The following CHMP2B variants were observed in gnomAD, a reference collection of about 807,000 sequenced individuals.
CHMP2B encodes the protein charged multivesicular body protein 2B.
A neutral mutation model predicts 29.8 loss-of-function variants in CHMP2B; 22 were observed. That is an observed-to-expected ratio of 0.74 (90% CI 0.53 to 1.05). CHMP2B has a LOEUF of 1.05. Among genes scored for constraint, CHMP2B ranks in the 50% least tolerant of loss-of-function variants. The pLI, the probability that CHMP2B is intolerant of heterozygous loss-of-function variation, is 0.00. For missense variants in CHMP2B, 261 were observed against 252.2 expected, an observed-to-expected ratio of 1.03 and a Z score of -0.24; for synonymous variants, 78 against 75.8, an observed-to-expected ratio of 1.03 and a Z score of -0.15.
Position 87,253,852 on chromosome 3 carries a change from TATA to T in CHMP2B, c.*33_*35del, listed in dbSNP as rs1411215273. 6.7e-7 allele frequency: 1 copy of T among 1,501,844 alleles called. No homozygotes were observed. The highest frequency in any genetic ancestry group is 9.3e-7 in the Non-Finnish European group (1 of 1,080,046). 93.0% of individuals were successfully genotyped at this position (1,501,844 alleles called of 1,614,324 possible). A position where few individuals can be genotyped will look rare whatever the true frequency, so the allele number is the denominator to read the frequency against. ...AAGAAGTCATACTATTTTGCTTACTTATAATTATGTAGTATAAACCAAGCACAG... is the reference window on the plus strand; with the variant it reads ...AAGAAGTCATACTATTTTGCTTACTTATTATGTAGTATAAACCAAGCACAG... On this transcript the variant is annotated 3_prime_UTR_variant, in exon 6 of 6. Coordinates refer to ENST00000263780, the MANE Select transcript of CHMP2B (RefSeq NM_014043.4).
intron 2 of CHMP2B, among the ~76,000 whole-genome samples, chr3:87,241,203 A>G (rs998583525): frequency 3.5e-4 from 54 of 152,326 alleles, no homozygotes; most frequent in African/African-American, 1.3e-3. Context: ...CAATGAATGT[A>G]CTTTTATAAT....
chr3:87,247,855 A>G (rs534470609), intron 3 of CHMP2B, among the ~76,000 whole-genome samples: 1 of 152,338 alleles, frequency 6.6e-6, no homozygotes, highest in East Asian at 1.9e-4. Flanking sequence ...TGGACACCCT[A>G]AACACTCTGA....
At chr3:87,251,722 C>A (rs540073431) in intron 4 of CHMP2B, among the ~76,000 whole-genome samples, 3 of 151,948 alleles carry the variant, frequency 2.0e-5, no homozygotes, top group Admixed American at 2.0e-4. Context: ...ACAGTTAAGA[C>A]ACAAGATCGT....
chr3:87,235,090 A>G (rs1289704354), intron 1 of CHMP2B, among the ~76,000 whole-genome samples: 1 of 152,230 alleles, frequency 6.6e-6, no homozygotes, highest in African/African-American at 2.4e-5. Context: ...TTGGTATGCT[A>G]TTTGCATGAA....
rs781332370 is a variant in CHMP2B at position 87,249,871 on chromosome 3, A to G, written c.322-4A>G. 10 of 1,563,486 alleles carry G rather than the reference A, an allele frequency of 6.4e-6. No homozygotes were observed. The Admixed American group carries it at 8.4e-5, about 13-fold the overall frequency. Reference sequence around the variant, plus strand: ...TAACATGAATCTTGTAAATACATTTAAAGACAATGCAGGCAGTTAACAAGA... The same window carrying G: ...TAACATGAATCTTGTAAATACATTTGAAGACAATGCAGGCAGTTAACAAGA... On this transcript the variant is annotated splice_region_variant and splice_polypyrimidine_tract_variant and intron_variant, in intron 3 of 5. Transcript: ENST00000263780.
chr3:87,233,561 G>A (rs1020584709), intron 1 of CHMP2B, among the ~76,000 whole-genome samples: 1 of 151,938 alleles, frequency 6.6e-6, no homozygotes, highest in Non-Finnish European at 1.5e-5. Context: ...CTGAATTGAC[G>A]CTCACTCTGG....
At chr3:87,245,583 A>G (rs534066538) in intron 2 of CHMP2B, 131 bp from the exon 3 acceptor site, 1 of 751,044 alleles carries the variant, frequency 1.3e-6, no homozygotes, top group Admixed American at 2.8e-5. Context: ...ATGACTTTAT[A>G]ATAGCTTCTT....
chr3:87,232,773 G>A (rs1215254112), intron 1 of CHMP2B, among the ~76,000 whole-genome samples: 2 of 152,116 alleles, frequency 1.3e-5, no homozygotes, highest in Non-Finnish European at 2.9e-5. Context: ...GATGAAAAAT[G>A]TGCTTTGACA....
chr3:87,252,413 T>G (rs774121982), intron 4 of CHMP2B, among the ~76,000 whole-genome samples: 4 of 151,742 alleles, frequency 2.6e-5, no homozygotes, highest in Non-Finnish European at 5.9e-5. Context: ...TTATGTACCT[T>G]AAATAACAAC....
chr3:87,227,425 A>G lies in CHMP2B; in HGVS notation c.-98A>G. ...CCTCCTGCTGTCTCTCCGCTCCGCC[A>G]CCCCGAACCCGCCAAGGTCCTGTCC... On this transcript the variant is annotated 5_prime_UTR_variant, in exon 1 of 6. Transcript: ENST00000263780. 2 of 1,460,196 alleles carry G rather than the reference A, an allele frequency of 1.4e-6. No individual in the cohort carries two copies. The highest frequency in any genetic ancestry group is 1.9e-6 in the Non-Finnish European group (2 of 1,041,572). 90.5% of individuals were successfully genotyped at this position (1,460,196 alleles called of 1,614,324 possible).
At chr3:87,249,618 T>G (rs1295330824) in intron 3 of CHMP2B, among the ~76,000 whole-genome samples, 1 of 152,098 alleles carries the variant, frequency 6.6e-6, no homozygotes, top group Non-Finnish European at 1.5e-5. Context: ...GCTGATAATG[T>G]TTTTTATTAC....
At position 87,255,197 on chromosome 3, in the gene CHMP2B, C is replaced by CGGA. The variant is rs1180636903; in HGVS notation, c.*1376_*1378dup. Reference sequence around the variant, plus strand: ...TCTTAGGACTAGTATACATGTGACACGGATTGCTAGGAGGAATGAAAAACT... The same window carrying CGGA: ...TCTTAGGACTAGTATACATGTGACACGGAGGATTGCTAGGAGGAATGAAAAACT... On this transcript the variant is annotated 3_prime_UTR_variant, in exon 6 of 6. Transcript: ENST00000263780. 6.6e-6 allele frequency: 1 copy of CGGA among 152,102 alleles called. No homozygotes were observed. Among genetic ancestry groups the CGGA allele is most frequent in the African/African-American group, 2.4e-5 (1 of 41,388 alleles). 9.4% of individuals were successfully genotyped at this position (152,102 alleles called of 1,614,324 possible). A position where few individuals can be genotyped will look rare whatever the true frequency, so the allele number is the denominator to read the frequency against.
chr3:87,239,089 C>G (rs1706068375), intron 1 of CHMP2B, among the ~76,000 whole-genome samples: 1 of 152,102 alleles, frequency 6.6e-6, no homozygotes. Flanking sequence ...AACGTCTGTT[C>G]AAGCCTTTAG....
At chr3:87,248,970 T>C (rs1368595851) in intron 3 of CHMP2B, among the ~76,000 whole-genome samples, 3 of 152,192 alleles carry the variant, frequency 2.0e-5, no homozygotes, top group African/African-American at 7.2e-5. Flanking sequence ...AAAAATGCAG[T>C]CATGTCTGGC....
At chr3:87,250,140 T>C (rs1337056131) in intron 4 of CHMP2B, among the ~76,000 whole-genome samples, 163 bp downstream of exon 4, 3 of 152,002 alleles carry the variant, frequency 2.0e-5, no homozygotes, top group Admixed American at 2.0e-4. Flanking sequence ...GTATAAACTA[T>C]GTTATGCCAC....
intron 2 of CHMP2B, among the ~76,000 whole-genome samples, chr3:87,245,401 T>C (rs1706192404): frequency 6.6e-6 from 1 of 152,018 alleles, no homozygotes; most frequent in African/African-American, 2.4e-5. Context: ...TGTTTTTTCC[T>C]TTTCTCTTAC....
chr3:87,246,485 T>C (rs140942666), intron 3 of CHMP2B, among the ~76,000 whole-genome samples: 129 of 152,292 alleles, frequency 8.5e-4, no homozygotes, highest in African/African-American at 3.0e-3. Flanking sequence ...TTTTATGAAA[T>C]TGACTTTTAA....
rs754459872 is a variant in CHMP2B, at chr3:87,227,570, C to T, written c.34+14C>T. On this transcript the variant is annotated intron_variant, in intron 1 of 5. Transcript: ENST00000263780. The stretch of plus-strand genomic sequence containing the variant: ...AAACCGTGGATGGTGAGTTCCAGGC[C>T]GGGCTGAAGGGGCCCAGCTCTGCGT... 3.3e-5 allele frequency: 53 copies of T among 1,614,014 alleles called. No homozygotes were observed. The highest frequency in any genetic ancestry group is 1.2e-4 in the Admixed American group (7 of 60,002).
chr3:87,245,904 C>G lies in CHMP2B; in HGVS notation c.317C>G (p.Ala106Gly), dbSNP rs368704252. Reference protein sequence around the residue: ...MKMAGAMSTTAKTMQAVNKKM... With the variant: ...MKMAGAMSTTGKTMQAVNKKM... ...ATGGCTGGAGCAATGTCTACTACAG[C>G]AAAAGTAAGTGAGAGCTTTTATATT... The change falls in exon 3 of 6, where the codon GCA becomes GGA. Residue 106 changes from alanine to glycine, a missense_variant. By Grantham distance (60) the Ala-to-Gly change is moderately conservative. Coordinates refer to ENST00000263780, the MANE Select transcript of CHMP2B (RefSeq NM_014043.4). 6 of 1,605,344 alleles carry G rather than the reference C, an allele frequency of 3.7e-6. No homozygotes were observed. In the African/African-American group the frequency reaches 8.0e-5, roughly 21 times the overall value.
Sources: gnomAD v4.1 joint callset for allele counts (sites outside exome capture counted in the v4.1 genomes callset) on GRCh38, gnomAD v4.1.1 for gene constraint, MANE v1.5 for transcripts, NCBI Gene and HGNC (gene_info 2026-07-23, HGNC 2026-07-21) for gene names.